Variants in CAMK2G observed in about 807,000 individuals in gnomAD.
The protein encoded by CAMK2G is calcium/calmodulin-dependent protein kinase type II subunit gamma.
Under a neutral mutation model 88.7 loss-of-function variants are expected in CAMK2G, and 23 were observed. The ratio of observed to expected loss-of-function variants is 0.26; its 90% CI spans 0.19 to 0.37. The LOEUF is 0.37. CAMK2G is among the 10% of genes least tolerant of loss of function. The pLI is 1.00. For missense variants in CAMK2G, 476 were observed against 780.8 expected (o/e 0.61, Z 4.65); for synonymous variants, 263 against 294.8 (o/e 0.89, Z 1.11).
intron 10 of CAMK2G, among the ~76,000 whole-genome samples, chr10:73,843,523 C>T (rs117813164): frequency 0.012 from 1,795 of 152,194 alleles, 23 homozygotes; most frequent in Non-Finnish European, 0.014. Context: ...CTCAGGGGCT[C>T]GAGACACACG....
rs149336909 is a variant in CAMK2G, at chr10:73,815,747, A to C, written c.1535-500T>G. 7.9e-5 allele frequency: 74 copies of C among 931,434 alleles called. 1 individual carries two copies. The Middle Eastern group carries it at 1.6e-3, about 21-fold the overall frequency. The allele number at this position is 931,434 out of a possible 1,614,324, so 57.7% of individuals were successfully genotyped here. A position where few individuals can be genotyped will look rare whatever the true frequency, so the allele number is the denominator to read the frequency against. The stretch of plus-strand genomic sequence containing the variant: ...CATGAACTTAAACCATTCAAAATTG[A>C]TTTGTAATTTTTTTTAAGGCACCAA... On this transcript the variant is annotated intron_variant, in intron 21 of 22. Transcript: ENST00000423381.
At chr10:73,833,771 G>C (rs2092838148) in intron 14 of CAMK2G, among the ~76,000 whole-genome samples, 1 of 150,940 alleles carries the variant, frequency 6.6e-6, no homozygotes, top group Non-Finnish European at 1.5e-5. Flanking sequence ...GCTACTTTTT[G>C]TATTTTTAGT....
intron 3 of CAMK2G, among the ~76,000 whole-genome samples, chr10:73,856,592 T>C (rs1330085414): frequency 6.6e-6 from 1 of 152,228 alleles, no homozygotes; most frequent in Non-Finnish European, 1.5e-5. Flanking sequence ...TGTGTCATGC[T>C]GTGAGGCAGG....
chr10:73,849,200 C>A, intron 6 of CAMK2G, 61 bp downstream of exon 6: 4 of 1,553,926 alleles, frequency 2.6e-6, no homozygotes, highest in Admixed American at 3.3e-5. Flanking sequence ...GTACCACTAT[C>A]TGGCACCAGG....
At chr10:73,864,069 G>A (rs2095490887) in intron 2 of CAMK2G, among the ~76,000 whole-genome samples, 2 of 152,190 alleles carry the variant, frequency 1.3e-5, no homozygotes, top group Non-Finnish European at 1.5e-5. Context: ...TCGTGGCTGG[G>A]CGCGGTGGGT....
chr10:73,867,077 C>A (rs912173037), intron 2 of CAMK2G, among the ~76,000 whole-genome samples: 1 of 152,214 alleles, frequency 6.6e-6, no homozygotes, highest in Non-Finnish European at 1.5e-5. Flanking sequence ...GGCTGTGATA[C>A]AGAGGGACGG....
chr10:73,815,367 C>G (rs1183853797), intron 21 of CAMK2G, 120 bp from the exon 22 acceptor site: 1 of 672,516 alleles, frequency 1.5e-6, no homozygotes, highest in Middle Eastern at 3.2e-4. Context: ...TCTCCAAGTA[C>G]CGCCCCCCCC....
At chr10:73,819,471 C>T in intron 19 of CAMK2G, 61 bp downstream of exon 19, 2 of 1,234,806 alleles carry the variant, frequency 1.6e-6, no homozygotes, top group Non-Finnish European at 2.3e-6. Flanking sequence ...GTGGGGGTCC[C>T]TGAGGGGCTT....
At chr10:73,857,190 G>T (rs2135373726) in intron 3 of CAMK2G, among the ~76,000 whole-genome samples, 1 of 152,336 alleles carries the variant, frequency 6.6e-6, no homozygotes, top group East Asian at 1.9e-4. Flanking sequence ...CTGGGCTCAA[G>T]GGTAAATGGT....
At chr10:73,826,907 C>T (rs2091121764) in intron 15 of CAMK2G, among the ~76,000 whole-genome samples, 1 of 152,220 alleles carries the variant, frequency 6.6e-6, no homozygotes, top group South Asian at 2.1e-4. Context: ...AGTGACTCCA[C>T]TGAACAAGAC....
chr10:73,837,727 G>A lies in CAMK2G; in HGVS notation c.1010-216C>T, dbSNP rs182628114. Among the ~76,000 whole-genome samples, 5 of 152,150 alleles carry A rather than the reference G, an allele frequency of 3.3e-5. No homozygotes were observed. In the South Asian group the frequency reaches 6.2e-4, roughly 19 times the overall value. ...GGTGGCACCTCAGGATCTCCTCTGC[G>A]TGGAGGAGGGCATGGATGCACGACA... On this transcript the variant is annotated intron_variant, in intron 13 of 22. Transcript: ENST00000423381.
chr10:73,843,943 C>T (rs578186377), intron 10 of CAMK2G, among the ~76,000 whole-genome samples: 3 of 152,312 alleles, frequency 2.0e-5, no homozygotes, highest in South Asian at 4.1e-4. Context: ...TGGTCATCCC[C>T]GGGATGGACC....
chr10:73,860,718 A>G, intron 3 of CAMK2G, 112 bp downstream of exon 3: 1 of 796,570 alleles, frequency 1.3e-6, no homozygotes, highest in Non-Finnish European at 2.2e-6. Flanking sequence ...GTAAAAACAG[A>G]CACCAGGTGA....
At chr10:73,840,796 C>T (rs967653311) in intron 12 of CAMK2G, among the ~76,000 whole-genome samples, 3 of 152,224 alleles carry the variant, frequency 2.0e-5, no homozygotes, top group Non-Finnish European at 2.9e-5. Flanking sequence ...GACAGAGCTT[C>T]GCTCTAGGGG....
chr10:73,847,310 G>T lies in CAMK2G; in HGVS notation c.734C>A (p.Ala245Asp), dbSNP rs2094316904. The change falls in exon 10 of 23, where the codon GCC becomes GAC. Residue 245 changes from alanine (A) to aspartate (D), a missense_variant. By Grantham distance (126) the Ala-to-Asp change is moderately radical (BLOSUM62 -2). Coordinates refer to ENST00000423381, the MANE Select transcript of CAMK2G (RefSeq NM_001367534.1). ...CAGCATCTGGTTGATCAAGTTCTTG[G>T]CTTCAGGAGTTACCGTGTCCCATTC... ...SPEWDTVTPE[A>D]KNLINQMLTI... is the part of the protein sequence containing the mutation. The T allele has an allele frequency of 6.2e-7, 1 of 1,614,018 alleles. No individual in the cohort carries two copies. The highest frequency in any genetic ancestry group is 1.3e-5 in the African/African-American group (1 of 74,922).
At chr10:73,833,733 G>A (rs1292498259) in intron 14 of CAMK2G, among the ~76,000 whole-genome samples, 4 of 151,304 alleles carry the variant, frequency 2.6e-5, no homozygotes, top group African/African-American at 9.7e-5. Context: ...CGAGTAGCTG[G>A]GACTACAGGC....
chr10:73,859,144 C>T lies in CAMK2G; in HGVS notation c.220+1686G>A, dbSNP rs141489675. On this transcript the variant is annotated intron_variant, in intron 3 of 22. Coordinates refer to ENST00000423381, the MANE Select transcript of CAMK2G (RefSeq NM_001367534.1). ...CTGTGCTTATGGGTGGCTTTAGTCA[C>T]GCACATGTTTTTTCTTCCTGTTCTG... is the stretch of plus-strand genomic sequence containing the variant. Among the ~76,000 whole-genome samples the T allele has an allele frequency of 7.5e-3, 1,141 of 152,340 alleles. 14 individuals carry two copies. Among genetic ancestry groups the T allele is most frequent in the African/African-American group, 0.026 (1,088 of 41,570 alleles).
At position 73,812,548 on chromosome 10, in the gene CAMK2G, T is replaced by C. The variant is rs2084485790; in HGVS notation, c.*1970A>G. 6.5e-6 allele frequency: 1 copy of C among 152,672 alleles called. No homozygotes were observed. Among genetic ancestry groups the C allele is most frequent in the African/African-American group, 2.4e-5 (1 of 41,462 alleles). 9.5% of individuals were successfully genotyped at this position (152,672 alleles called of 1,614,324 possible). ...TAAATATTTTCAGTTCAAGGTTTCA[T>C]TGTAACAAAGCTATGAAGGGTCTAC... On this transcript the variant is annotated 3_prime_UTR_variant, in exon 23 of 23. Transcript: ENST00000423381.
chr10:73,828,231 A>G (rs2091617787), intron 14 of CAMK2G, 110 bp from the exon 15 acceptor site: 7 of 893,904 alleles, frequency 7.8e-6, no homozygotes, highest in Non-Finnish European at 1.3e-5. Context: ...TCAGGGAGAA[A>G]AGAGCGGAGG....
Sources: allele counts gnomAD v4.1 joint callset (sites outside exome capture counted in the v4.1 genomes callset), GRCh38; gene constraint gnomAD v4.1.1; transcripts MANE v1.5; gene names NCBI Gene and HGNC (gene_info 2026-07-23, HGNC 2026-07-21).